The following SEC14L3 variants were observed in gnomAD, a reference collection of about 807,000 sequenced individuals.
SEC14L3 encodes SEC14 like lipid binding 3, also known as SEC14-like protein 3.
A neutral mutation model predicts 57.4 loss-of-function variants in SEC14L3; 56 were observed. That is an observed-to-expected ratio of 0.97 (90% confidence interval 0.79 to 1.22). The LOEUF (loss-of-function observed/expected upper bound fraction) is 1.22. SEC14L3 is among the 50% of genes most tolerant of loss of function. The pLI is 0.00. For missense variants in SEC14L3, 485 were observed against 511.7 expected (o/e 0.95, Z 0.50); for synonymous variants, 173 against 194.4 (o/e 0.89, Z 0.92).
At chr22:30,457,842 G>A (rs942191062), downstream of SEC14L3, among the ~76,000 whole-genome samples, 1 of 152,096 alleles carries the variant, frequency 6.6e-6, no homozygotes, top group African/African-American at 2.4e-5. Flanking sequence ...AAGAGTGGTG[G>A]GGGTGAAGAG....
At chr22:30,450,628 C>T (rs1413885170) in intron 12 of SEC14L3, among the ~76,000 whole-genome samples, 2 of 152,130 alleles carry the variant, frequency 1.3e-5, no homozygotes, top group African/African-American at 4.8e-5. Flanking sequence ...ACAACATCTC[C>T]TCATACAAGT....
chr22:30,467,356 C>T (rs1935454195), intron 5 of SEC14L3, among the ~76,000 whole-genome samples: 1 of 151,472 alleles, frequency 6.6e-6, no homozygotes, highest in Admixed American at 6.6e-5. Flanking sequence ...TCCATCCATT[C>T]ATTCATATTG....
chr22:30,456,719 G>A (rs1382973968), downstream of SEC14L3, among the ~76,000 whole-genome samples: 1 of 152,160 alleles, frequency 6.6e-6, no homozygotes, highest in Non-Finnish European at 1.5e-5. Flanking sequence ...CTCTATTAGT[G>A]ACCATTGGCC....
downstream of SEC14L3, among the ~76,000 whole-genome samples, chr22:30,454,602 T>TGTA (rs1556005592): frequency 7.2e-5 from 7 of 97,168 alleles, 1 homozygote; most frequent in East Asian, 2.0e-3. Context: ...ATATATAATC[T>TGTA]ATAATATTAT....
intron 11 of SEC14L3, chr22:30,460,343 G>T: frequency 1.1e-6 from 1 of 898,990 alleles, no homozygotes; most frequent in African/African-American, 1.8e-5. Context: ...CCTCCTCTTG[G>T]CATGTGCCCA....
At chr22:30,462,988 G>A (rs1035444194) in intron 8 of SEC14L3, among the ~76,000 whole-genome samples, 3 of 152,164 alleles carry the variant, frequency 2.0e-5, no homozygotes, top group Non-Finnish European at 4.4e-5. Flanking sequence ...ACCCGCCTCG[G>A]CCTCCCAAAG....
intron 11 of SEC14L3, 162 bp from the exon 12 acceptor site, chr22:30,460,304 C>A: frequency 1.0e-6 from 1 of 984,764 alleles, no homozygotes; most frequent in Non-Finnish European, 1.2e-6. Flanking sequence ...GAACTGCCAA[C>A]CCAAGCAGGT....
chr22:30,454,447 C>T (rs964543014), downstream of SEC14L3, among the ~76,000 whole-genome samples: 5 of 138,220 alleles, frequency 3.6e-5, no homozygotes, highest in Middle Eastern at 4.0e-3. Context: ...CAGAAGACAA[C>T]GAAAAAATAA....
intron 6 of SEC14L3, 43 bp downstream of exon 6, chr22:30,466,939 G>C: frequency 6.3e-7 from 1 of 1,578,420 alleles, no homozygotes; most frequent in South Asian, 1.1e-5. Flanking sequence ...GGCCAAGCTG[G>C]TCATCAAAGC....
At chr22:30,469,067 C>T (rs1935520349) in intron 4 of SEC14L3, 1 of 923,004 alleles carries the variant, frequency 1.1e-6, no homozygotes, top group South Asian at 2.3e-5. Context: ...CCTGTAATCC[C>T]AGCTACTCAG....
At chr22:30,457,197 C>A (rs1368336503), downstream of SEC14L3, among the ~76,000 whole-genome samples, 4 of 152,048 alleles carry the variant, frequency 2.6e-5, no homozygotes, top group Admixed American at 6.6e-5. Flanking sequence ...ACATCATTGG[C>A]CCAAATTGTG....
chr22:30,450,796 G>A (rs75330889), intron 12 of SEC14L3, among the ~76,000 whole-genome samples: 2,079 of 152,300 alleles, frequency 0.014, 15 homozygotes, highest in Non-Finnish European at 0.021. Flanking sequence ...GGCTGACCTT[G>A]TGCCAGGATA....
In SEC14L3 at chr22:30,460,217, G is replaced by A. The variant is rs893896808; in HGVS notation, c.1082-75C>T. On this transcript the variant is annotated intron_variant, in intron 11 of 11. Transcript: ENST00000215812. ...TTTTTCCACCCCTGGCCATGGAGGAGGACAGGCTTGTGTTCCCACTGGCTT... is the reference window on the plus strand; with the variant it reads ...TTTTTCCACCCCTGGCCATGGAGGAAGACAGGCTTGTGTTCCCACTGGCTT... 5.7e-6 allele frequency: 9 copies of A among 1,566,364 alleles called. No homozygotes were observed. The African/African-American group carries it at 9.4e-5, about 16-fold the overall frequency.
chr22:30,457,261 C>T (rs1935134536), downstream of SEC14L3, among the ~76,000 whole-genome samples: 1 of 152,172 alleles, frequency 6.6e-6, no homozygotes, highest in Admixed American at 6.5e-5. Context: ...TTCCATCCTC[C>T]TCCCTTTCCT....
At position 30,461,598 on chromosome 22, in the gene SEC14L3, G is replaced by A; in HGVS notation, c.868C>T (p.His290Tyr). 1.9e-6 allele frequency: 3 copies of A among 1,614,110 alleles called. No individual in the cohort carries two copies. The highest frequency in any genetic ancestry group is 2.5e-6 in the Non-Finnish European group (3 of 1,180,020). Residue 290 changes from histidine to tyrosine, a missense_variant, in exon 10 of 12, where the codon CAC (histidine) becomes TAC (tyrosine). Coordinates refer to ENST00000215812, the MANE Select transcript of SEC14L3 (RefSeq NM_174975.5). ...HSVQINRGSS[H>Y]QVEYEILFPG... Reference sequence around the variant, plus strand: ...AATAGGATCTCGTATTCCACTTGGTGTGATGAGCCGCGGTTGATCTGCACC... The same window carrying A: ...AATAGGATCTCGTATTCCACTTGGTATGATGAGCCGCGGTTGATCTGCACC...
downstream of SEC14L3, among the ~76,000 whole-genome samples, chr22:30,454,756 A>T (rs1318962612): frequency 5.1e-5 from 4 of 78,538 alleles, no homozygotes; most frequent in African/African-American, 2.4e-4. Context: ...TATTATATAT[A>T]ATATATAATA....
rs1360164987 is a variant in SEC14L3, at chr22:30,467,038, A to G, written c.463T>C (p.Cys155Arg). Residue 155 changes from cysteine (C) to arginine (R), a missense_variant, in exon 6 of 12, where the codon TGT (cysteine) becomes CGT (arginine). Physicochemically the swap from Cys to Arg is radical, Grantham distance 180 (BLOSUM62 -3). Transcript: ENST00000215812. ...KIETIVMIFD[C>R]EGLGLKHFWK... ...AAGTGTTTCAGTCCCAGGCCCTCACAGTCAAATATCATCACGATGGTCTCA... is the reference window on the plus strand; with the variant it reads ...AAGTGTTTCAGTCCCAGGCCCTCACGGTCAAATATCATCACGATGGTCTCA... 1.9e-6 allele frequency: 3 copies of G among 1,614,120 alleles called. No individual in the cohort carries two copies. Among genetic ancestry groups the G allele is most frequent in the Non-Finnish European group, 2.5e-6 (3 of 1,180,004 alleles).
downstream of SEC14L3, among the ~76,000 whole-genome samples, chr22:30,447,773 C>T (rs1456460257): frequency 1.3e-5 from 2 of 152,088 alleles, no homozygotes; most frequent in African/African-American, 4.8e-5. Context: ...GGGGGCATTG[C>T]AGATAGGTGT....
At chr22:30,457,583 A>G (rs1001885979), downstream of SEC14L3, among the ~76,000 whole-genome samples, 2 of 151,794 alleles carry the variant, frequency 1.3e-5, no homozygotes, top group African/African-American at 4.8e-5. Flanking sequence ...GGGTTTCACC[A>G]CATTGGCCAA....
Sources: allele counts gnomAD v4.1 joint callset (sites outside exome capture counted in the v4.1 genomes callset), GRCh38; gene constraint gnomAD v4.1.1; transcripts MANE v1.5; gene names NCBI Gene and HGNC (gene_info 2026-07-23, HGNC 2026-07-21).